The following PHACTR2 variants were observed in gnomAD, a reference collection of about 807,000 sequenced individuals.
PHACTR2 encodes phosphatase and actin regulator 2, also known as chromosome 6 open reading frame 56.
In PHACTR2, 30 loss-of-function variants were observed where a neutral mutation model predicts 76.0. The observed-to-expected ratio is 0.39, with a 90% confidence interval of 0.30 to 0.54. The LOEUF (loss-of-function observed/expected upper bound fraction) is 0.54. Ranked by LOEUF, PHACTR2 falls within the 20% of genes least tolerant of loss-of-function variation. PHACTR2 has a pLI of 0.61. For missense variants in PHACTR2, 696 were observed against 781.1 expected (o/e 0.89, Z 1.30); for synonymous variants, 292 against 292.5 (o/e 1.00, Z 0.02).
In PHACTR2 at chr6:143,625,409, CTT is replaced by C. The variant is rs1776239318; in HGVS notation, c.13+17088_13+17089del. On this transcript the variant is annotated intron_variant, in intron 1 of 11. Coordinates refer to the PHACTR2 transcript ENST00000305766. This position sits in a 1 kb window ranked among gnomAD's most constrained non-coding sequence, Gnocchi z 4.3. ...TTATAAATTTATTAGTTATTTATAA[CTT>C]AATCTTTATAAGCAAATATTATTTA... Among the ~76,000 whole-genome samples the C allele has an allele frequency of 1.3e-5, 2 of 151,940 alleles. No individual in the cohort carries two copies. Among genetic ancestry groups the C allele is most frequent in the African/African-American group, 4.8e-5 (2 of 41,376 alleles).
chr6:143,642,629 G>A (rs952867379), intron 1 of PHACTR2, among the ~76,000 whole-genome samples: 4 of 152,208 alleles, frequency 2.6e-5, no homozygotes, highest in Non-Finnish European at 5.9e-5. Context: ...GAGGTCATTA[G>A]GGTAGGCTCT....
rs1020176098 is a variant in PHACTR2, at chr6:143,709,606, A to G, written c.47-2410A>G. ...GGGAAGCAGTGGGTGCCGCCTTGTC[A>G]CCCCGACATGGAGGTAAAAATCCCA... On this transcript the variant is annotated intron_variant, in intron 1 of 12. Coordinates refer to ENST00000440869, the MANE Select transcript of PHACTR2 (RefSeq NM_001100164.2). This position sits in a 1 kb window ranked among gnomAD's most constrained non-coding sequence, Gnocchi z 4.4. Among the ~76,000 whole-genome samples the G allele has an allele frequency of 5.9e-5, 9 of 152,028 alleles. No individual in the cohort carries two copies. Among genetic ancestry groups the G allele is most frequent in the Admixed American group, 2.0e-4 (3 of 15,270 alleles).
chr6:143,801,189 C>T lies in PHACTR2; in HGVS notation c.1846-5868C>T, dbSNP rs568865589. Among the ~76,000 whole-genome samples, 5 of 152,178 alleles carry T rather than the reference C, an allele frequency of 3.3e-5. No homozygotes were observed. Among genetic ancestry groups the T allele is most frequent in the East Asian group, 1.9e-4 (1 of 5,176 alleles). On this transcript the variant is annotated intron_variant, in intron 11 of 12. Coordinates refer to ENST00000440869, the MANE Select transcript of PHACTR2 (RefSeq NM_001100164.2). The surrounding 1 kb of genome is among the most constrained non-coding windows in gnomAD (Gnocchi z 4.6). Reference sequence around the variant, plus strand: ...TTATGTGTCTTGGGGTTGCTCTTCTCGGGCAATCTCTTTGTGGTGTATTCT... The same window carrying T: ...TTATGTGTCTTGGGGTTGCTCTTCTTGGGCAATCTCTTTGTGGTGTATTCT...
At chr6:143,725,488 C>T (rs535932378) in intron 2 of PHACTR2, among the ~76,000 whole-genome samples, 2 of 83,630 alleles carry the variant, frequency 2.4e-5, no homozygotes, top group South Asian at 9.1e-4. Flanking sequence ...GCGTGAGCCA[C>T]CGCGCCCGGC....
intron 3 of PHACTR2, among the ~76,000 whole-genome samples, chr6:143,749,654 T>C (rs1193398483): frequency 6.6e-6 from 1 of 152,182 alleles, no homozygotes; most frequent in Non-Finnish European, 1.5e-5. Context: ...GCAATGATTA[T>C]TTCTAATTTT....
At position 143,823,296 on chromosome 6, in the gene PHACTR2, T is replaced by C. The variant is rs1451360040; in HGVS notation, c.1923-378T>C. On this transcript the variant is annotated intron_variant, in intron 12 of 12. Coordinates refer to ENST00000440869, the MANE Select transcript of PHACTR2 (RefSeq NM_001100164.2). This position sits in a 1 kb window ranked among gnomAD's most constrained non-coding sequence, Gnocchi z 5.7. ...GTGTCTATTTGTTACTGTGCTTTTA[T>C]AATACAGACGAGGTGTACCAAAATC... 1.3e-5 allele frequency among the ~76,000 whole-genome samples: 2 copies of C among 152,198 alleles called. No homozygotes were observed. Among genetic ancestry groups the C allele is most frequent in the Non-Finnish European group, 2.9e-5 (2 of 68,026 alleles).
At position 143,774,309 on chromosome 6, in the gene PHACTR2, T is replaced by C. The variant is rs2128475818; in HGVS notation, c.1589+94T>C. ...AACTGGGGTCATTGTGAATTCCTTA[T>C]GTACAGATACATCTGGCCTACTGGG... On this transcript the variant is annotated intron_variant, in intron 8 of 12. Coordinates refer to ENST00000440869, the MANE Select transcript of PHACTR2 (RefSeq NM_001100164.2). The surrounding 1 kb of genome is among the most constrained non-coding windows in gnomAD (Gnocchi z 5.4). 1 of 951,756 alleles carries C rather than the reference T, an allele frequency of 1.1e-6. No individual in the cohort carries two copies. The highest frequency in any genetic ancestry group is 1.6e-6 in the Non-Finnish European group (1 of 621,776). 59.0% of individuals were successfully genotyped at this position (951,756 alleles called of 1,614,324 possible). A position where few individuals can be genotyped will look rare whatever the true frequency, so the allele number is the denominator to read the frequency against.
chr6:143,790,906 T>C (rs1276253641), intron 11 of PHACTR2, among the ~76,000 whole-genome samples: 1 of 152,192 alleles, frequency 6.6e-6, no homozygotes, highest in Non-Finnish European at 1.5e-5. Flanking sequence ...CTCCATCTCC[T>C]GACATTGTGA....
chr6:143,581,491 C>T lies in PHACTR2; in HGVS notation c.217+44284C>T, dbSNP rs1775571808. ...GAGACCTGGGAAGGAGAGAAGGGAC[C>T]TTTTCTGCAGACGGTGGCCTGGAGA... is the stretch of plus-strand genomic sequence containing the variant. On this transcript the variant is annotated intron_variant, in intron 1 of 11. Transcript: ENST00000367584. This position sits in a 1 kb window ranked among gnomAD's most constrained non-coding sequence, Gnocchi z 4.5. Among the ~76,000 whole-genome samples, 1 of 152,050 alleles carries T rather than the reference C, an allele frequency of 6.6e-6. No individual in the cohort carries two copies. The highest frequency in any genetic ancestry group is 2.4e-5 in the African/African-American group (1 of 41,390).
intron 1 of PHACTR2, among the ~76,000 whole-genome samples, chr6:143,594,768 T>C (rs1718688568): frequency 6.6e-6 from 1 of 152,254 alleles, no homozygotes; most frequent in Admixed American, 6.5e-5. Flanking sequence ...TCCATGGATC[T>C]GGAACCAACA....
At position 143,770,161 on chromosome 6, in the gene PHACTR2, C is replaced by T. The variant is rs535174720; in HGVS notation, c.1233-2097C>T. Among the ~76,000 whole-genome samples the T allele has an allele frequency of 5.9e-5, 9 of 152,272 alleles. No homozygotes were observed. The South Asian group carries it at 1.2e-3, about 21-fold the overall frequency. On this transcript the variant is annotated intron_variant, in intron 6 of 12. Transcript: ENST00000440869. ...TATATACATAGAGTGGAATATCATTCAGCCTTAAAAAGGAAGCAGATTCTC... is the reference window on the plus strand; with the variant it reads ...TATATACATAGAGTGGAATATCATTTAGCCTTAAAAAGGAAGCAGATTCTC...
rs755286741 is a variant in PHACTR2, at chr6:143,602,689, A to G, written c.217+65482A>G. ...TCTATCATTGCTATGTGTTTGGAGC[A>G]GTGGGGTGTTGTCCAAGTGTGGATT... is the stretch of plus-strand genomic sequence containing the variant. On this transcript the variant is annotated intron_variant, in intron 1 of 11. Transcript: ENST00000367584. The surrounding 1 kb of genome is among the most constrained non-coding windows in gnomAD (Gnocchi z 6.1). Among the ~76,000 whole-genome samples the G allele has an allele frequency of 6.6e-6, 1 of 152,216 alleles. No homozygotes were observed. Among genetic ancestry groups the G allele is most frequent in the Non-Finnish European group, 1.5e-5 (1 of 68,046 alleles).
At position 143,718,875 on chromosome 6, in the gene PHACTR2, GT is replaced by G. The variant is rs1226236202; in HGVS notation, c.214+6716del. Among the ~76,000 whole-genome samples the G allele has an allele frequency of 3.7e-3, 455 of 123,518 alleles. 3 individuals carry two copies. Among genetic ancestry groups the G allele is most frequent in the African/African-American group, 0.011 (404 of 36,270 alleles). The allele number at this position is 123,518 out of a possible 152,430, so 81.0% of individuals were successfully genotyped here. ...ACTAAGAAGTTGGAAAGTTGGAAGT[GT>G]TTTTTTTTTTTTTTTTTTTTTTTGG... On this transcript the variant is annotated intron_variant, in intron 2 of 12. Transcript: ENST00000440869.
chr6:143,766,270 C>T (rs1779561321), intron 6 of PHACTR2, among the ~76,000 whole-genome samples: 1 of 152,180 alleles, frequency 6.6e-6, no homozygotes. Context: ...TAAATTCCCA[C>T]CCAGCTTAAA....
chr6:143,706,704 A>G (rs1033316937), intron 1 of PHACTR2, among the ~76,000 whole-genome samples: 1 of 152,152 alleles, frequency 6.6e-6, no homozygotes, highest in African/African-American at 2.4e-5. Context: ...CTTACCCTTA[A>G]AAGGAAGATA....
At position 143,800,498 on chromosome 6, in the gene PHACTR2, T is replaced by G. The variant is rs1285090174; in HGVS notation, c.1846-6559T>G. Reference sequence around the variant, plus strand: ...GGATGGTCTCGATCTCCTGACTTCGTGATCTGCCTGCATCGGCCTCCCAAA... The same window carrying G: ...GGATGGTCTCGATCTCCTGACTTCGGGATCTGCCTGCATCGGCCTCCCAAA... On this transcript the variant is annotated intron_variant, in intron 11 of 12. Coordinates refer to ENST00000440869, the MANE Select transcript of PHACTR2 (RefSeq NM_001100164.2). The surrounding 1 kb of genome is among the most constrained non-coding windows in gnomAD (Gnocchi z 4.8). 6.6e-6 allele frequency among the ~76,000 whole-genome samples: 1 copy of G among 152,146 alleles called. No individual in the cohort carries two copies. The highest frequency in any genetic ancestry group is 1.5e-5 in the Non-Finnish European group (1 of 68,028).
chr6:143,776,556 C>T lies in PHACTR2; in HGVS notation c.1590-772C>T, dbSNP rs1211277907. On this transcript the variant is annotated intron_variant, in intron 8 of 12. Coordinates refer to ENST00000440869, the MANE Select transcript of PHACTR2 (RefSeq NM_001100164.2). The surrounding 1 kb of genome is among the most constrained non-coding windows in gnomAD (Gnocchi z 5.3). ...TCAGGTACCTAGCTAACATCCAGGC[C>T]GATCTGTTGCTAGAAGGAAAGGAGA... 6.6e-6 allele frequency among the ~76,000 whole-genome samples: 1 copy of T among 152,116 alleles called. No individual in the cohort carries two copies. The highest frequency in any genetic ancestry group is 6.6e-5 in the Admixed American group (1 of 15,264).
Position 143,774,234 on chromosome 6 carries a change from G to A in PHACTR2, c.1589+19G>A. ...TAGTCAGGTAATTGCTAACATTTTA[G>A]GACAGTACTGACTAATTTGTATTTT... On this transcript the variant is annotated intron_variant, in intron 8 of 12. Transcript: ENST00000440869. The surrounding 1 kb of genome is among the most constrained non-coding windows in gnomAD (Gnocchi z 5.4). The A allele has an allele frequency of 1.9e-6, 3 of 1,605,970 alleles. No individual in the cohort carries two copies. The highest frequency in any genetic ancestry group is 2.6e-6 in the Non-Finnish European group (3 of 1,173,314).
At chr6:143,727,300 T>A (rs921987984) in intron 2 of PHACTR2, among the ~76,000 whole-genome samples, 15 of 152,158 alleles carry the variant, frequency 9.9e-5, no homozygotes, top group Non-Finnish European at 1.5e-4. Flanking sequence ...CTTTTTTTTT[T>A]ATGGCCAAAC....
Sources: gnomAD v4.1 joint callset for allele counts (sites outside exome capture counted in the v4.1 genomes callset) on GRCh38, gnomAD v4.1.1 for gene constraint, Gnocchi (gnomAD v3.1) non-coding constraint, MANE v1.5 for transcripts, NCBI Gene and HGNC (gene_info 2026-07-23, HGNC 2026-07-21) for gene names.